TMEM114: variants seen among roughly 807,000 people sequenced by gnomAD.
TMEM114 encodes the protein claudin-26.
Under a neutral mutation model 6.2 loss-of-function variants are expected in TMEM114, and 6 were observed. The ratio of observed to expected loss-of-function variants is 0.97; its 90% confidence interval spans 0.53 to 1.91. The LOEUF (loss-of-function observed/expected upper bound fraction) is 1.91. TMEM114 is among the 40% of genes most tolerant of loss of function. TMEM114 has a pLI of 0.01. For synonymous variants in TMEM114, 104 were observed against 73.0 expected (o/e 1.42, Z -2.16); for missense variants, 218 against 158.3 (o/e 1.38, Z -2.02).
intron 2 of TMEM114, among the ~76,000 whole-genome samples, chr16:8,544,848 C>G (rs865873641): frequency 6.6e-6 from 1 of 152,182 alleles, no homozygotes; most frequent in East Asian, 1.9e-4. Flanking sequence ...AAAACATACA[C>G]TGCTCCCCTC....
Position 8,574,582 on chromosome 16 carries a change from C to CTTCTTTCTTTCTTTCTTTCT in TMEM114, c.302-2378_302-2359dup, listed in dbSNP as rs60193962. Among the ~76,000 whole-genome samples the CTTCTTTCTTTCTTTCTTTCT allele has an allele frequency of 7.5e-3, 1,067 of 142,548 alleles. 16 individuals are homozygous for CTTCTTTCTTTCTTTCTTTCT. Among genetic ancestry groups the CTTCTTTCTTTCTTTCTTTCT allele is most frequent in the Middle Eastern group, 0.01 (3 of 288 alleles). The allele number at this position is 142,548 out of a possible 152,430, so 93.5% of individuals were successfully genotyped here. ...CTTTCTTTCTTTCTTTCCTTCCTTC[C>CTTCTTTCTTTCTTTCTTTCT]TTCTTTCTTTCTTTCTTTCTTTCTT... On this transcript the variant is annotated intron_variant, in intron 2 of 3. Transcript: ENST00000620492.
At chr16:8,553,277 T>C (rs1311751297) in intron 2 of TMEM114, among the ~76,000 whole-genome samples, 1 of 152,182 alleles carries the variant, frequency 6.6e-6, no homozygotes, top group Admixed American at 6.5e-5. Context: ...CACTTTGAAA[T>C]TGAGGTTCTG....
At chr16:8,563,136 A>C (rs906998088) in intron 2 of TMEM114, among the ~76,000 whole-genome samples, 2 of 147,824 alleles carry the variant, frequency 1.4e-5, no homozygotes, top group Non-Finnish European at 1.5e-5. Flanking sequence ...TGTGTGAATG[A>C]GTAAATGAGT....
intron 2 of TMEM114, among the ~76,000 whole-genome samples, chr16:8,562,509 T>C (rs1444640585): frequency 6.9e-6 from 1 of 145,746 alleles, no homozygotes; most frequent in African/African-American, 2.6e-5. Context: ...AGTAAATGAG[T>C]GACTGAATGA....
chr16:8,549,916 T>A (rs536141868), intron 2 of TMEM114, among the ~76,000 whole-genome samples: 1 of 152,102 alleles, frequency 6.6e-6, no homozygotes, highest in African/African-American at 2.4e-5. Flanking sequence ...AGCTGAGGGG[T>A]AAGGAAGCCA....
downstream of TMEM114, among the ~76,000 whole-genome samples, chr16:8,566,755 G>A (rs547331225): frequency 6.6e-6 from 1 of 152,266 alleles, no homozygotes; most frequent in South Asian, 2.1e-4. Context: ...TGCGTCTGCT[G>A]TCACCTGCCT....
At chr16:8,554,318 G>A (rs542639674) in intron 2 of TMEM114, among the ~76,000 whole-genome samples, 1 of 152,082 alleles carries the variant, frequency 6.6e-6, no homozygotes, top group African/African-American at 2.4e-5. Flanking sequence ...CCCTTTGGGA[G>A]GCCAAGGCAG....
chr16:8,542,416 G>C (rs1398779623), intron 2 of TMEM114, among the ~76,000 whole-genome samples: 1 of 152,158 alleles, frequency 6.6e-6, no homozygotes, highest in Non-Finnish European at 1.5e-5. Context: ...AGTCATCCCA[G>C]GTCATTTTAA....
chr16:8,533,542 T>C (rs1267424999), downstream of TMEM114, among the ~76,000 whole-genome samples: 3 of 152,330 alleles, frequency 2.0e-5, no homozygotes, highest in East Asian at 5.8e-4. Context: ...AACCACTGAA[T>C]ATTTTTAAAA....
intron 2 of TMEM114, among the ~76,000 whole-genome samples, chr16:8,557,188 A>T (rs554675431): frequency 1.3e-5 from 2 of 152,286 alleles, no homozygotes; most frequent in Non-Finnish European, 2.9e-5. Context: ...CTCCTTGTGA[A>T]TCAGAACAGG....
intron 3 of TMEM114, among the ~76,000 whole-genome samples, chr16:8,571,812 A>G (rs2141684681): frequency 6.6e-6 from 1 of 152,270 alleles, no homozygotes; most frequent in South Asian, 2.1e-4. Flanking sequence ...TGAAGCTATC[A>G]CGAGTTTGGG....
chr16:8,580,138 G>A (rs368987810), intron 2 of TMEM114, among the ~76,000 whole-genome samples: 1 of 152,136 alleles, frequency 6.6e-6, no homozygotes, highest in South Asian at 2.1e-4. Flanking sequence ...TCCAACCACA[G>A]AGGCAGCCCT....
intron 2 of TMEM114, chr16:8,537,899 G>A (rs1432321405): frequency 2.0e-5 from 3 of 152,012 alleles, no homozygotes; most frequent in South Asian, 2.1e-4. Context: ...AGCATAAAAG[G>A]CAAGGTTAGA....
intron 2 of TMEM114, among the ~76,000 whole-genome samples, chr16:8,582,164 C>T (rs982041095): frequency 7.2e-5 from 11 of 152,208 alleles, no homozygotes; most frequent in Non-Finnish European, 1.0e-4. Context: ...CACTTCCTCT[C>T]AGTTCAGCTT....
downstream of TMEM114, among the ~76,000 whole-genome samples, chr16:8,568,016 A>G (rs1901603006): frequency 6.6e-6 from 1 of 152,196 alleles, no homozygotes; most frequent in Non-Finnish European, 1.5e-5. Context: ...GACAGCCAGT[A>G]AAGAAGTGCA....
intron 2 of TMEM114, among the ~76,000 whole-genome samples, chr16:8,578,162 C>T (rs1902007166): frequency 6.6e-6 from 1 of 152,090 alleles, no homozygotes; most frequent in African/African-American, 2.4e-5. Flanking sequence ...GTTCTTAGAT[C>T]AGGTGGTGGT....
At chr16:8,542,210 C>T (rs1403950819) in intron 2 of TMEM114, among the ~76,000 whole-genome samples, 1 of 152,104 alleles carries the variant, frequency 6.6e-6, no homozygotes, top group African/African-American at 2.4e-5. Flanking sequence ...GCCAAGATTT[C>T]TCCTGCTTCA....
At chr16:8,565,508 C>G (rs13334605), downstream of TMEM114, among the ~76,000 whole-genome samples, 99,008 of 152,008 alleles carry the variant, frequency 0.65, 32,353 homozygotes, top group East Asian at 0.77. Flanking sequence ...CAAAGGGACA[C>G]GCGCCGTAGT....
At chr16:8,578,193 G>C (rs568528631) in intron 2 of TMEM114, among the ~76,000 whole-genome samples, 1 of 152,156 alleles carries the variant, frequency 6.6e-6, no homozygotes, top group Admixed American at 6.5e-5. Flanking sequence ...TGTGGCCACT[G>C]TAACACATGA....
Sources: allele counts gnomAD v4.1 joint callset (sites outside exome capture counted in the v4.1 genomes callset), GRCh38; gene constraint gnomAD v4.1.1; transcripts MANE v1.5; gene names NCBI Gene and HGNC (gene_info 2026-07-23, HGNC 2026-07-21).